Variants in WDR70 observed in about 807,000 individuals in gnomAD.
The protein encoded by WDR70 is WD repeat domain 70.
WDR70 carries 53 observed loss-of-function variants against 88.6 expected under a neutral mutation model. The ratio of observed to expected loss-of-function variants is 0.60; its 90% CI spans 0.48 to 0.75. WDR70 has a LOEUF of 0.75. Ranked by LOEUF, WDR70 falls within the 30% of genes least tolerant of loss-of-function variation. WDR70 has a pLI of 0.00. For synonymous variants in WDR70, 280 were observed against 270.0 expected, an observed-to-expected ratio of 1.04 and a Z score of -0.36; for missense variants, 610 against 823.2, an observed-to-expected ratio of 0.74 and a Z score of 3.17.
intron 13 of WDR70, among the ~76,000 whole-genome samples, chr5:37,708,311 G>C (rs1747416100): frequency 6.6e-6 from 1 of 151,482 alleles, no homozygotes; most frequent in African/African-American, 2.4e-5. Context: ...TTTTCAAGAG[G>C]CTAACTCTAC....
intron 10 of WDR70, among the ~76,000 whole-genome samples, chr5:37,686,828 T>C (rs1035790279): frequency 6.6e-6 from 1 of 151,640 alleles, no homozygotes; most frequent in African/African-American, 2.4e-5. Flanking sequence ...GTTTTCCATC[T>C]TGGTGAATAT....
intron 10 of WDR70, among the ~76,000 whole-genome samples, chr5:37,649,730 C>CTTGTTTT (rs551468211): frequency 2.0e-5 from 1 of 48,848 alleles, no homozygotes; most frequent in African/African-American, 7.3e-5. Flanking sequence ...GATGTTATTA[C>CTTGTTTT]TTCTTTTTTT....
Position 37,379,344 on chromosome 5 carries a change from T to A in WDR70, c.-24T>A, listed in dbSNP as rs757730785. The A allele has an allele frequency of 6.2e-7, 1 of 1,613,236 alleles. No individual in the cohort carries two copies. The highest frequency in any genetic ancestry group is 1.1e-5 in the South Asian group (1 of 91,030). ...CAGTTGTTTGGGCTGTCCCTGTGGCTGGTTCTGGGGTGTGCGGCCAGCCAT... is the reference window on the plus strand; with the variant it reads ...CAGTTGTTTGGGCTGTCCCTGTGGCAGGTTCTGGGGTGTGCGGCCAGCCAT... On this transcript the variant is annotated 5_prime_UTR_variant, in exon 1 of 18. Coordinates refer to ENST00000265107, the MANE Select transcript of WDR70 (RefSeq NM_018034.4).
chr5:37,511,485 G>A (rs151131388), intron 8 of WDR70, among the ~76,000 whole-genome samples: 9 of 150,472 alleles, frequency 6.0e-5, no homozygotes, highest in East Asian at 2.0e-4. Context: ...CATCTTGCTC[G>A]TTTCCTACCC....
chr5:37,548,868 C>T (rs1355001845), intron 9 of WDR70, among the ~76,000 whole-genome samples: 5 of 152,124 alleles, frequency 3.3e-5, no homozygotes, highest in Admixed American at 3.3e-4. Context: ...TATGGATATC[C>T]AGTTTTCCCA....
At chr5:37,740,246 A>G (rs1227565549) in intron 17 of WDR70, among the ~76,000 whole-genome samples, 3 of 152,222 alleles carry the variant, frequency 2.0e-5, no homozygotes, top group African/African-American at 4.8e-5. Flanking sequence ...AAAGAAATCC[A>G]TTTAAAATGT....
chr5:37,404,252 G>A (rs1306736772), intron 5 of WDR70, among the ~76,000 whole-genome samples: 1 of 152,140 alleles, frequency 6.6e-6, no homozygotes, highest in African/African-American at 2.4e-5. Flanking sequence ...CTTAATCACA[G>A]TTGGGGTCAT....
At chr5:37,664,806 G>A (rs1745793002) in intron 10 of WDR70, among the ~76,000 whole-genome samples, 1 of 152,234 alleles carries the variant, frequency 6.6e-6, no homozygotes, top group Non-Finnish European at 1.5e-5. Context: ...TAGAATGAGT[G>A]AATTTTAGCA....
At chr5:37,457,855 A>C (rs551447172) in intron 7 of WDR70, among the ~76,000 whole-genome samples, 3 of 152,224 alleles carry the variant, frequency 2.0e-5, no homozygotes, top group South Asian at 4.2e-4. Flanking sequence ...TGAACTTCCA[A>C]CACTATGTTG....
chr5:37,443,374 T>G lies in WDR70; in HGVS notation c.686+2T>G. On this transcript the variant is annotated splice_donor_variant, in intron 7 of 17. Coordinates refer to ENST00000265107, the MANE Select transcript of WDR70 (RefSeq NM_018034.4). LOFTEE classifies it high-confidence loss of function. ...TCGATCCCTTCAGCCCTGTGAGTGG[T>G]ATGTATTCACTTACTTAATATCTTC... The G allele has an allele frequency of 6.2e-7, 1 of 1,613,804 alleles. No homozygotes were observed. The highest frequency in any genetic ancestry group is 8.5e-7 in the Non-Finnish European group (1 of 1,179,798).
At chr5:37,482,825 CT>C (rs1739714458) in intron 8 of WDR70, among the ~76,000 whole-genome samples, 2 of 152,134 alleles carry the variant, frequency 1.3e-5, no homozygotes, top group African/African-American at 4.8e-5. Context: ...ATGGGAGATA[CT>C]GATGCAGGCA....
At chr5:37,476,555 C>CTTT (rs70978822) in intron 7 of WDR70, among the ~76,000 whole-genome samples, 2 of 147,928 alleles carry the variant, frequency 1.4e-5, no homozygotes, top group African/African-American at 2.5e-5. Flanking sequence ...TTTTCTTCTT[C>CTTT]TTTTTTTTTT....
chr5:37,622,023 A>G (rs1303677248), intron 10 of WDR70, among the ~76,000 whole-genome samples: 1 of 152,192 alleles, frequency 6.6e-6, no homozygotes, highest in Admixed American at 6.5e-5. Flanking sequence ...AGGTTTGTCA[A>G]AGATCAGATG....
Position 37,596,801 on chromosome 5 carries a change from A to G in WDR70, c.918-8263A>G, listed in dbSNP as rs538405625. On this transcript the variant is annotated intron_variant, in intron 9 of 17. Transcript: ENST00000265107. Reference sequence around the variant, plus strand: ...CTTTTTACATGTGTAGGTCTGTGTGATTTGACAAATGAATGGTTGTGTCTC... The same window carrying G: ...CTTTTTACATGTGTAGGTCTGTGTGGTTTGACAAATGAATGGTTGTGTCTC... Among the ~76,000 whole-genome samples, 5 of 151,342 alleles carry G rather than the reference A, an allele frequency of 3.3e-5. No individual in the cohort carries two copies. In the South Asian group the frequency reaches 8.4e-4, roughly 25 times the overall value.
intron 8 of WDR70, among the ~76,000 whole-genome samples, chr5:37,514,561 A>G (rs902283166): frequency 6.6e-6 from 1 of 151,172 alleles, no homozygotes; most frequent in African/African-American, 2.4e-5. Flanking sequence ...TGCACCCCCG[A>G]GGGGCCCCAG....
intron 10 of WDR70, among the ~76,000 whole-genome samples, chr5:37,680,924 T>A (rs1746411843): frequency 6.6e-6 from 1 of 152,166 alleles, no homozygotes; most frequent in South Asian, 2.1e-4. Context: ...TGGCTTTAAA[T>A]AATGTTAAAA....
chr5:37,702,481 A>G (rs763880781), intron 12 of WDR70, among the ~76,000 whole-genome samples: 1 of 152,196 alleles, frequency 6.6e-6, no homozygotes, highest in Non-Finnish European at 1.5e-5. Context: ...ATATAACTCA[A>G]ATTATTTGGG....
At chr5:37,694,820 A>G (rs1252783863) in intron 10 of WDR70, among the ~76,000 whole-genome samples, 1 of 149,554 alleles carries the variant, frequency 6.7e-6, no homozygotes, top group Non-Finnish European at 1.5e-5. Flanking sequence ...TATTGTGCAC[A>G]TGTACCCTAT....
intron 10 of WDR70, among the ~76,000 whole-genome samples, chr5:37,628,209 C>T (rs1484077159): frequency 2.6e-5 from 4 of 152,200 alleles, no homozygotes; most frequent in African/African-American, 4.8e-5. Flanking sequence ...AGGCATAAGC[C>T]TCCATTTCTG....
Sources: allele counts gnomAD v4.1 joint callset (sites outside exome capture counted in the v4.1 genomes callset), GRCh38; gene constraint gnomAD v4.1.1; transcripts MANE v1.5; gene names NCBI Gene and HGNC (gene_info 2026-07-23, HGNC 2026-07-21).